Variants in PLD5 observed in about 807,000 individuals in gnomAD.
PLD5 encodes the protein inactive phospholipase D5.
In PLD5, 36 loss-of-function variants were observed where a neutral mutation model predicts 61.1. The ratio of observed to expected loss-of-function variants is 0.59; its 90% CI spans 0.45 to 0.78. The LOEUF (loss-of-function observed/expected upper bound fraction) is 0.78, where lower values mean the gene tolerates loss of function less well. Ranked by LOEUF, PLD5 falls within the 30% of genes least tolerant of loss-of-function variation. PLD5 has a pLI of 0.00. For missense variants in PLD5, 515 were observed against 644.4 expected (o/e 0.80, Z 2.17); for synonymous variants, 243 against 242.8 (o/e 1.00, Z -0.01).
chr1:242,241,869 CTATATATATATATATATATATATA>C (rs752113161), intron 4 of PLD5, among the ~76,000 whole-genome samples: 20,006 of 70,802 alleles, frequency 0.28, 2,359 homozygotes, highest in Non-Finnish European at 0.35. Context: ...GCTTTACTTA[CTATATATATATATATATATATATA>C]TATATATATA....
At chr1:242,113,373 G>A (rs559296892) in intron 7 of PLD5, among the ~76,000 whole-genome samples, 4 of 152,226 alleles carry the variant, frequency 2.6e-5, no homozygotes, top group Admixed American at 6.5e-5. Context: ...GATTACAGGC[G>A]TGAGCCACCG....
At chr1:242,180,953 A>G (rs1436041210) in intron 5 of PLD5, among the ~76,000 whole-genome samples, 1 of 152,148 alleles carries the variant, frequency 6.6e-6, no homozygotes, top group South Asian at 2.1e-4. Flanking sequence ...ACTGCACTCC[A>G]GCCTGGGTGA....
intron 5 of PLD5, among the ~76,000 whole-genome samples, chr1:242,177,098 T>G (rs368492046): frequency 1.5e-3 from 236 of 152,310 alleles, no homozygotes; most frequent in African/African-American, 5.6e-3. Flanking sequence ...GGATTATAAA[T>G]CATTCTACTA....
chr1:242,218,454 T>C (rs1290091216), intron 5 of PLD5, among the ~76,000 whole-genome samples: 1 of 152,188 alleles, frequency 6.6e-6, no homozygotes, highest in Non-Finnish European at 1.5e-5. Context: ...AGCAAACACA[T>C]ACTGACTTCC....
intron 4 of PLD5, among the ~76,000 whole-genome samples, chr1:242,240,547 G>A (rs1671933930): frequency 6.6e-6 from 1 of 152,108 alleles, no homozygotes; most frequent in African/African-American, 2.4e-5. Context: ...GGGCCTGAGG[G>A]AGTTTTTTTC....
chr1:242,441,442 C>T (rs970010662), intron 1 of PLD5, among the ~76,000 whole-genome samples: 9 of 151,988 alleles, frequency 5.9e-5, no homozygotes, highest in Non-Finnish European at 1.0e-4. Flanking sequence ...TGTTATGAAT[C>T]TTCCGAAATT....
chr1:242,419,386 GTTTTTTT>G (rs58320205), intron 1 of PLD5, among the ~76,000 whole-genome samples: 2 of 96,508 alleles, frequency 2.1e-5, no homozygotes, highest in Non-Finnish European at 4.2e-5. Context: ...CCTGATTTTT[GTTTTTTT>G]TTTTTTTTTT....
At chr1:242,091,741 A>C (rs567504116) in intron 9 of PLD5, among the ~76,000 whole-genome samples, 18 of 152,176 alleles carry the variant, frequency 1.2e-4, no homozygotes, top group Admixed American at 5.2e-4. Flanking sequence ...ATATAAGAAA[A>C]ACACACCACA....
chr1:242,428,699 GT>G (rs2102884717), intron 1 of PLD5, among the ~76,000 whole-genome samples: 1 of 150,804 alleles, frequency 6.6e-6, no homozygotes, highest in South Asian at 2.1e-4. Flanking sequence ...ATCTCATATT[GT>G]AATTCTATAC....
rs1666138098 is a variant in PLD5, at chr1:242,438,870, C to CTGTTTTG, written c.189+85217_189+85218insCAAAACA. ...TTTCCTACTTTCAGAGTTTAACCAACAATCCCTGTTTAGGAGTCAAAACCT... is the reference window on the plus strand; with the variant it reads ...TTTCCTACTTTCAGAGTTTAACCAACTGTTTTGAATCCCTGTTTAGGAGTCAAAACCT... On this transcript the variant is annotated intron_variant, in intron 1 of 9. Transcript: ENST00000536534. Among the ~76,000 whole-genome samples the CTGTTTTG allele has an allele frequency of 2.0e-5, 3 of 152,282 alleles. No homozygotes were observed. In the Middle Eastern group the frequency reaches 0.01, roughly 518 times the overall value.
At chr1:242,492,518 G>A (rs114180408) in intron 1 of PLD5, among the ~76,000 whole-genome samples, 1,944 of 124,848 alleles carry the variant, frequency 0.016, 56 homozygotes, top group African/African-American at 0.058. Context: ...GCAAAACTCC[G>A]TCTCAAAAAA....
intron 1 of PLD5, among the ~76,000 whole-genome samples, chr1:242,508,402 A>T (rs991745351): frequency 6.6e-6 from 1 of 152,122 alleles, no homozygotes; most frequent in African/African-American, 2.4e-5. Context: ...TTAGGTGACC[A>T]GATGGAAATG....
intron 1 of PLD5, among the ~76,000 whole-genome samples, chr1:242,488,477 A>G (rs1235376508): frequency 6.6e-6 from 1 of 152,188 alleles, no homozygotes; most frequent in Non-Finnish European, 1.5e-5. Flanking sequence ...AAAGAATCCA[A>G]TCTGAAAAGG....
At chr1:242,391,054 G>A (rs1355076645) in intron 1 of PLD5, among the ~76,000 whole-genome samples, 2 of 152,150 alleles carry the variant, frequency 1.3e-5, no homozygotes, top group Non-Finnish European at 2.9e-5. Flanking sequence ...AATTAGCCAG[G>A]TGTGGTGGCG....
intron 2 of PLD5, among the ~76,000 whole-genome samples, chr1:242,339,269 G>A (rs1659702176): frequency 6.6e-6 from 1 of 152,198 alleles, no homozygotes; most frequent in Non-Finnish European, 1.5e-5. Flanking sequence ...GAGAGAGACA[G>A]ATAGATGTGT....
chr1:242,476,751 T>C (rs765747756), intron 1 of PLD5, among the ~76,000 whole-genome samples: 7 of 152,166 alleles, frequency 4.6e-5, no homozygotes, highest in Non-Finnish European at 7.3e-5. Context: ...CCCTTTCTGT[T>C]CTTCTCCCAC....
At chr1:242,110,680 T>G (rs1245167665) in intron 7 of PLD5, among the ~76,000 whole-genome samples, 1 of 151,960 alleles carries the variant, frequency 6.6e-6, no homozygotes, top group Non-Finnish European at 1.5e-5. Flanking sequence ...TGTGGTGGCA[T>G]GTGCCTGCAG....
rs558791534 is a variant in PLD5 at position 242,087,747 on chromosome 1, C to T, written c.*2107G>A. On this transcript the variant is annotated 3_prime_UTR_variant, in exon 10 of 10. Coordinates refer to ENST00000536534, the MANE Select transcript of PLD5 (RefSeq NM_001372062.1). ...GGCGTGAGCCACCGCACCCAGGCTG[C>T]TTTCTTTTTAAAATCATCACCAAAG... The T allele has an allele frequency of 6.6e-6, 1 of 152,326 alleles. No homozygotes were observed. Among genetic ancestry groups the T allele is most frequent in the African/African-American group, 2.4e-5 (1 of 41,570 alleles). The allele number at this position is 152,326 out of a possible 1,614,324, so 9.4% of individuals were successfully genotyped here. A position where few individuals can be genotyped will look rare whatever the true frequency, so the allele number is the denominator to read the frequency against.
rs576614401 is a variant in PLD5 at position 242,247,252 on chromosome 1, G to C, written c.607+18085C>G. Among the ~76,000 whole-genome samples the C allele has an allele frequency of 1.9e-3, 284 of 152,342 alleles. 2 individuals carry two copies. The highest frequency in any genetic ancestry group is 4.1e-4 in the Non-Finnish European group (28 of 68,034). The stretch of plus-strand genomic sequence containing the variant: ...CCGCCTCGGCCTCCCAGAGTGCTGG[G>C]ATTACAGGCGTGAGCCACCGCGCCC... On this transcript the variant is annotated intron_variant, in intron 4 of 9. Transcript: ENST00000536534.
Sources: gnomAD v4.1 joint callset for allele counts (sites outside exome capture counted in the v4.1 genomes callset) on GRCh38, gnomAD v4.1.1 for gene constraint, MANE v1.5 for transcripts, NCBI Gene and HGNC (gene_info 2026-07-23, HGNC 2026-07-21) for gene names.